Variants in RBFOX1 observed in about 807,000 individuals in gnomAD.
The protein encoded by RBFOX1 is RNA binding protein fox-1 homolog 1.
Under a neutral mutation model 57.7 loss-of-function variants are expected in RBFOX1, and 8 were observed. That is an observed-to-expected ratio of 0.14 (90% CI 0.08 to 0.25). The LOEUF (loss-of-function observed/expected upper bound fraction) is 0.25. RBFOX1 is among the 10% of genes least tolerant of loss of function. RBFOX1 has a pLI of 1.00. For missense variants in RBFOX1, 611 were observed against 548.5 expected, an observed-to-expected ratio of 1.11 and a Z score of -1.14; for synonymous variants, 326 against 222.4, an observed-to-expected ratio of 1.47 and a Z score of -4.15.
chr16:5,409,425 A>G (rs2066954394), intron 1 of RBFOX1, among the ~76,000 whole-genome samples: 1 of 152,210 alleles, frequency 6.6e-6, no homozygotes, highest in Admixed American at 6.5e-5. Context: ...AGGTCTCCGG[A>G]GGCTTTTTCC....
At chr16:7,420,876 T>A (rs2098534407) in intron 4 of RBFOX1, among the ~76,000 whole-genome samples, 1 of 147,618 alleles carries the variant, frequency 6.8e-6, no homozygotes, top group Non-Finnish European at 1.5e-5. Context: ...TCTATATATC[T>A]TTTAAAATAT....
At chr16:7,410,186 C>G (rs2098409154) in intron 4 of RBFOX1, among the ~76,000 whole-genome samples, 1 of 116,780 alleles carries the variant, frequency 8.6e-6, no homozygotes, top group Non-Finnish European at 1.9e-5. Context: ...CACATAATAG[C>G]TCATCTGCGC....
At chr16:6,220,397 C>G (rs1453151331) in intron 1 of RBFOX1, among the ~76,000 whole-genome samples, 1 of 152,168 alleles carries the variant, frequency 6.6e-6, no homozygotes, top group Non-Finnish European at 1.5e-5. Context: ...TTAGAAGACT[C>G]CACTGACACT....
intron 4 of RBFOX1, among the ~76,000 whole-genome samples, chr16:5,893,171 G>C (rs948839408): frequency 6.6e-6 from 1 of 152,164 alleles, no homozygotes; most frequent in Non-Finnish European, 1.5e-5. Context: ...GTGGAATTCA[G>C]CTGATGCTCC....
At chr16:6,739,158 A>G (rs1027809049) in intron 3 of RBFOX1, among the ~76,000 whole-genome samples, 6 of 152,074 alleles carry the variant, frequency 3.9e-5, no homozygotes, top group Admixed American at 3.3e-4. Flanking sequence ...AGTCAATGAA[A>G]TTGAAAACAG....
Position 7,608,125 on chromosome 16 carries a change from T to C in RBFOX1, c.676+787T>C, listed in dbSNP as rs371191767. Among the ~76,000 whole-genome samples, 12 of 152,328 alleles carry C rather than the reference T, an allele frequency of 7.9e-5. No homozygotes were observed. The East Asian group carries it at 1.7e-3, about 22-fold the overall frequency. On this transcript the variant is annotated intron_variant, in intron 10 of 15. Transcript: ENST00000550418. ...TTGCCACATGGCTATTTAAAAGAAG[T>C]CTTTCTTTGATGTGGCTCTTGCTTT... is the stretch of plus-strand genomic sequence containing the variant.
chr16:7,224,969 T>C (rs1277146154), intron 4 of RBFOX1, among the ~76,000 whole-genome samples: 2 of 152,232 alleles, frequency 1.3e-5, no homozygotes, highest in African/African-American at 4.8e-5. Flanking sequence ...GAATTCACTT[T>C]ATTGAGCCTC....
intron 4 of RBFOX1, among the ~76,000 whole-genome samples, chr16:7,125,809 G>A (rs150628760): frequency 3.9e-5 from 6 of 152,262 alleles, no homozygotes; most frequent in Admixed American, 1.3e-4. Flanking sequence ...ATAGCCAGGC[G>A]AAGTGCCTCA....
chr16:6,789,725 A>G (rs62016117), intron 3 of RBFOX1, among the ~76,000 whole-genome samples: 1 of 152,000 alleles, frequency 6.6e-6, no homozygotes, highest in Non-Finnish European at 1.5e-5. Flanking sequence ...GAATTTTCAC[A>G]GTAATTTACA....
chr16:7,698,035 GAGGGTTAAAC>G (rs754916119), intron 14 of RBFOX1, among the ~76,000 whole-genome samples: 5 of 152,180 alleles, frequency 3.3e-5, no homozygotes, highest in Non-Finnish European at 7.3e-5. Context: ...TTAGGGAAGA[GAGGGTTAAAC>G]AGGCCAAGTG....
intron 2 of RBFOX1, among the ~76,000 whole-genome samples, chr16:6,391,927 T>G (rs1355973542): frequency 6.6e-6 from 1 of 151,924 alleles, no homozygotes; most frequent in Admixed American, 6.6e-5. Flanking sequence ...GAGGAGAGAG[T>G]GAATAAGTCT....
At chr16:7,279,301 T>A (rs2095498511) in intron 4 of RBFOX1, among the ~76,000 whole-genome samples, 1 of 152,214 alleles carries the variant, frequency 6.6e-6, no homozygotes, top group African/African-American at 2.4e-5. Flanking sequence ...TTGGTAAAGC[T>A]GAAATGCGGA....
intron 4 of RBFOX1, among the ~76,000 whole-genome samples, chr16:7,181,776 G>A (rs1238194139): frequency 6.6e-6 from 1 of 152,016 alleles, no homozygotes; most frequent in East Asian, 1.9e-4. Flanking sequence ...ACCCAGGCTG[G>A]TCTCAGACTC....
At chr16:7,231,680 A>G (rs887936804) in intron 4 of RBFOX1, among the ~76,000 whole-genome samples, 1 of 152,240 alleles carries the variant, frequency 6.6e-6, no homozygotes, top group Non-Finnish European at 1.5e-5. Context: ...ATGGATGAAC[A>G]AAATGTGGTC....
At chr16:5,657,658 T>TTTC (rs772199587) in intron 3 of RBFOX1, among the ~76,000 whole-genome samples, 6,395 of 125,698 alleles carry the variant, frequency 0.051, 293 homozygotes, top group African/African-American at 0.13. Context: ...CTTTCTTTTC[T>TTTC]TTTCTTTCTT....
intron 4 of RBFOX1, among the ~76,000 whole-genome samples, chr16:7,229,552 GAGGA>G (rs1391724376): frequency 1.4e-5 from 2 of 147,524 alleles, no homozygotes; most frequent in East Asian, 4.1e-4. Context: ...AGGAGAGAGA[GAGGA>G]AGGAAGGGAG....
At chr16:5,622,362 C>A (rs113741276) in intron 3 of RBFOX1, among the ~76,000 whole-genome samples, 1 of 152,158 alleles carries the variant, frequency 6.6e-6, no homozygotes, top group East Asian at 1.9e-4. Context: ...TCTTTTCCAC[C>A]AGAATGTAGG....
At chr16:7,629,641 T>C (rs2060622935) in intron 10 of RBFOX1, among the ~76,000 whole-genome samples, 1 of 152,238 alleles carries the variant, frequency 6.6e-6, no homozygotes, top group African/African-American at 2.4e-5. Context: ...GTAGCACTGA[T>C]ACCCTGACAA....
chr16:7,284,668 G>C (rs1267963828), intron 4 of RBFOX1, among the ~76,000 whole-genome samples: 4 of 152,182 alleles, frequency 2.6e-5, no homozygotes, highest in Non-Finnish European at 5.9e-5. Context: ...AAGAGAGGCA[G>C]AGGACAGAGT....
Sources: gnomAD v4.1 joint callset for allele counts (sites outside exome capture counted in the v4.1 genomes callset) on GRCh38, gnomAD v4.1.1 for gene constraint, MANE v1.5 for transcripts, NCBI Gene and HGNC (gene_info 2026-07-23, HGNC 2026-07-21) for gene names.